SETD2: variants seen among roughly 807,000 people sequenced by gnomAD.
The protein encoded by SETD2 is histone-lysine N-methyltransferase SETD2.
SETD2 carries 31 observed loss-of-function variants against 242.1 expected under a neutral mutation model. The observed-to-expected ratio is 0.13, with a 90% CI of 0.10 to 0.17. The LOEUF is 0.17. SETD2 is among the 10% of genes least tolerant of loss of function. The pLI is 1.00. For missense variants in SETD2, 2,481 were observed against 3,046.3 expected, an observed-to-expected ratio of 0.81 and a Z score of 4.37; for synonymous variants, 1,006 against 1,066.5, an observed-to-expected ratio of 0.94 and a Z score of 1.11.
rs201269290 is a variant in SETD2, at chr3:47,121,672, T to C, written c.2964A>G (p.Gly988=). 8.6e-5 allele frequency: 139 copies of C among 1,613,700 alleles called. No homozygotes were observed. The highest frequency in any genetic ancestry group is 1.2e-4 in the Admixed American group (7 of 60,022). Reference sequence around the variant, plus strand: ...CTGAGTCATCAGAAGTATGCACATGTCCTCCTTCTCCTCTTTCATCTAAAG... The same window carrying C: ...CTGAGTCATCAGAAGTATGCACATGCCCTCCTTCTCCTCTTTCATCTAAAG... ...EISLDERGEG[G]HVHTSDDSEV... Residue 988 remains glycine, a synonymous_variant, in exon 3 of 21, where the codon GGA becomes GGG. Transcript: ENST00000409792.
rs567696674 is a variant in SETD2, at chr3:47,026,520, C to G, written c.7351-6680G>C. On this transcript the variant is annotated intron_variant, in intron 18 of 20. Coordinates refer to ENST00000409792, the MANE Select transcript of SETD2 (RefSeq NM_014159.7). The stretch of plus-strand genomic sequence containing the variant: ...ACATGCACACATATTTTTATTGCAG[C>G]ACTCTTCAAAATAGCAAAGACTTGG... Among the ~76,000 whole-genome samples the G allele has an allele frequency of 2.6e-5, 4 of 152,258 alleles. No individual in the cohort carries two copies. The East Asian group carries it at 7.7e-4, about 29-fold the overall frequency.
At chr3:47,067,241 A>G in intron 12 of SETD2, 123 bp from the exon 13 acceptor site, 1 of 744,058 alleles carries the variant, frequency 1.3e-6, no homozygotes, top group Non-Finnish European at 2.3e-6. Flanking sequence ...TTATTCTCTA[A>G]AATTTGACTT....
At chr3:47,048,319 G>A (rs996549515) in intron 15 of SETD2, among the ~76,000 whole-genome samples, 2 of 152,160 alleles carry the variant, frequency 1.3e-5, no homozygotes, top group African/African-American at 4.8e-5. Context: ...AACCCAGGAG[G>A]TAGAGGTTGC....
In SETD2 at chr3:47,037,530, T is replaced by C. The variant is rs1170157973; in HGVS notation, c.7350+136A>G. 5 of 629,478 alleles carry C rather than the reference T, an allele frequency of 7.9e-6. No homozygotes were observed. The East Asian group carries it at 1.4e-4, about 18-fold the overall frequency. The allele number at this position is 629,478 out of a possible 1,614,324, so 39.0% of individuals were successfully genotyped here. A position where few individuals can be genotyped will look rare whatever the true frequency, so the allele number is the denominator to read the frequency against. ...AAAAGGCCATTCTTTCTCCCTGACT[T>C]CATCTCTACACCTTGATACATGCAT... On this transcript the variant is annotated intron_variant, in intron 18 of 20. Coordinates refer to ENST00000409792, the MANE Select transcript of SETD2 (RefSeq NM_014159.7).
chr3:47,164,116 C>T (rs1697598606), upstream of SETD2: 3 of 1,031,458 alleles, frequency 2.9e-6, no homozygotes, highest in Non-Finnish European at 3.7e-6. This position sits in a 1 kb window ranked among gnomAD's most constrained non-coding sequence, Gnocchi z 5.4. Flanking sequence ...CGCTCTCTCC[C>T]TCTCACCCTC....
rs555641796 is a variant in SETD2 at position 47,058,456 on chromosome 3, A to C, written c.6294-966T>G. 3.9e-3 allele frequency among the ~76,000 whole-genome samples: 574 copies of C among 148,768 alleles called. 19 individuals are homozygous for C. Among genetic ancestry groups the C allele is most frequent in the African/African-American group, 0.014 (550 of 39,682 alleles). ...ACACCGTCTCAAAAAAAAAAAAAAA[A>C]AAAAAAAACACAAAGAGGGAGAATA... On this transcript the variant is annotated intron_variant, in intron 14 of 20. Transcript: ENST00000409792.
chr3:47,164,114 C>G (rs939053620), upstream of SETD2: 6 of 1,025,650 alleles, frequency 5.8e-6, no homozygotes, highest in Middle Eastern at 1.1e-3. This position sits in a 1 kb window ranked among gnomAD's most constrained non-coding sequence, Gnocchi z 5.4. Context: ...GCCGCTCTCT[C>G]CCTCTCACCC....
At chr3:47,049,695 TTTATA>T (rs2039718774) in intron 15 of SETD2, among the ~76,000 whole-genome samples, 1 of 147,344 alleles carries the variant, frequency 6.8e-6, no homozygotes, top group Admixed American at 6.9e-5. Flanking sequence ...ATTCTATGAG[TTTATA>T]TTATATATTA....
chr3:47,153,158 T>C (rs2044036385), intron 1 of SETD2, among the ~76,000 whole-genome samples: 1 of 143,410 alleles, frequency 7.0e-6, no homozygotes, highest in African/African-American at 2.5e-5. Context: ...AGTGAAGTGA[T>C]TATCTAATTT....
intron 7 of SETD2, among the ~76,000 whole-genome samples, chr3:47,102,254 G>C (rs2042243556): frequency 6.6e-6 from 1 of 152,222 alleles, no homozygotes; most frequent in Admixed American, 6.5e-5. Context: ...TACAGTGAGA[G>C]TCTCACAGCT....
chr3:47,033,588 AACCAAG>A (rs1325996509), intron 18 of SETD2, among the ~76,000 whole-genome samples: 1 of 151,870 alleles, frequency 6.6e-6, no homozygotes, highest in Non-Finnish European at 1.5e-5. Flanking sequence ...TCTGACTGAA[AACCAAG>A]ACCAAATCTT....
intron 1 of SETD2, among the ~76,000 whole-genome samples, chr3:47,145,006 G>C (rs956180341): frequency 2.0e-5 from 3 of 152,066 alleles, no homozygotes; most frequent in African/African-American, 7.2e-5. Context: ...AAAAATAACA[G>C]AATATGGCTT....
chr3:47,143,923 G>T (rs1226908163), intron 1 of SETD2, among the ~76,000 whole-genome samples: 1 of 152,038 alleles, frequency 6.6e-6, no homozygotes, highest in East Asian at 1.9e-4. Context: ...TGTTAGCCAG[G>T]ATGGTCCCGA....
chr3:47,156,852 A>G (rs1249041760), intron 1 of SETD2, among the ~76,000 whole-genome samples: 1 of 152,216 alleles, frequency 6.6e-6, no homozygotes, highest in Non-Finnish European at 1.5e-5. Flanking sequence ...CATGAATTAT[A>G]AGAATTTGAC....
chr3:47,132,742 A>G (rs1346015974), intron 1 of SETD2, among the ~76,000 whole-genome samples: 2 of 152,194 alleles, frequency 1.3e-5, no homozygotes, highest in East Asian at 1.9e-4. Context: ...ACTCCTACCT[A>G]AAGATTTCTT....
chr3:47,109,740 C>T (rs2042577551), intron 5 of SETD2, among the ~76,000 whole-genome samples: 2 of 152,104 alleles, frequency 1.3e-5, no homozygotes, highest in South Asian at 4.1e-4. Context: ...AATTACAGCA[C>T]TTTGGGAAGC....
intron 18 of SETD2, among the ~76,000 whole-genome samples, chr3:47,023,172 G>A (rs980538984): frequency 3.9e-5 from 6 of 152,046 alleles, no homozygotes; most frequent in East Asian, 1.9e-4. Context: ...AGGCTGAGGC[G>A]GGTGGATCAT....
At chr3:47,068,441 G>C (rs2040659777) in intron 12 of SETD2, among the ~76,000 whole-genome samples, 2 of 150,250 alleles carry the variant, frequency 1.3e-5, no homozygotes, top group Admixed American at 6.6e-5. Flanking sequence ...ATAATTAATT[G>C]TGCACTTATA....
At chr3:47,025,658 C>G (rs964111125) in intron 18 of SETD2, among the ~76,000 whole-genome samples, 1 of 152,100 alleles carries the variant, frequency 6.6e-6, no homozygotes, top group East Asian at 1.9e-4. Context: ...CTTTCTTAAG[C>G]CTTTGCAAAA....
Sources: allele counts gnomAD v4.1 joint callset (sites outside exome capture counted in the v4.1 genomes callset), GRCh38; gene constraint gnomAD v4.1.1; non-coding constraint Gnocchi (gnomAD v3.1); transcripts MANE v1.5; gene names NCBI Gene and HGNC (gene_info 2026-07-23, HGNC 2026-07-21).